AMPH: variants seen among roughly 807,000 people sequenced by gnomAD.
AMPH encodes amphiphysin (Stiff-Mann syndrome with breast cancer 128kD autoantigen).
Under a neutral mutation model 99.1 loss-of-function variants are expected in AMPH, and 49 were observed. The observed-to-expected ratio is 0.49, with a 90% confidence interval of 0.39 to 0.63. The LOEUF (loss-of-function observed/expected upper bound fraction) is 0.63, where lower values mean the gene tolerates loss of function less well. Among genes scored for constraint, AMPH ranks in the 20% least tolerant of loss-of-function variants. The probability of loss-of-function intolerance (pLI) is 0.00; values close to 1 mark genes in which losing one functional copy is unlikely to be tolerated. For missense variants in AMPH, 759 were observed against 863.4 expected (o/e 0.88, Z 1.52); for synonymous variants, 314 against 317.3 (o/e 0.99, Z 0.11).
In AMPH at chr7:38,568,148, C is replaced by T. The variant is rs181194499; in HGVS notation, c.70-33137G>A. Among the ~76,000 whole-genome samples, 513 of 152,234 alleles carry T rather than the reference C, an allele frequency of 3.4e-3. 8 individuals carry two copies. In the South Asian group the frequency reaches 0.038, roughly 11 times the overall value. On this transcript the variant is annotated intron_variant, in intron 1 of 20. Coordinates refer to ENST00000356264, the MANE Select transcript of AMPH (RefSeq NM_001635.4). ...TTTCCTTATTACTGTTGGGGTATTACGTGCAAATTCAAATTAAGCCAATTT... is the reference window on the plus strand; with the variant it reads ...TTTCCTTATTACTGTTGGGGTATTATGTGCAAATTCAAATTAAGCCAATTT...
chr7:38,427,227 G>A (rs1284099331), intron 14 of AMPH, among the ~76,000 whole-genome samples: 1 of 151,918 alleles, frequency 6.6e-6, no homozygotes, highest in Non-Finnish European at 1.5e-5. Context: ...TTATTGCTTG[G>A]TGCCAACCAA....
intron 1 of AMPH, among the ~76,000 whole-genome samples, chr7:38,590,989 G>A (rs1792835323): frequency 6.6e-6 from 1 of 152,160 alleles, no homozygotes; most frequent in South Asian, 2.1e-4. Flanking sequence ...AATATTGTAA[G>A]TTGACATTCA....
chr7:38,587,074 T>G (rs1319505186), intron 1 of AMPH, among the ~76,000 whole-genome samples: 1 of 152,118 alleles, frequency 6.6e-6, no homozygotes, highest in Non-Finnish European at 1.5e-5. Flanking sequence ...TCTAGTGTGC[T>G]AATGAATAAA....
At chr7:38,438,698 C>G (rs1001897876) in intron 11 of AMPH, among the ~76,000 whole-genome samples, 1 of 152,110 alleles carries the variant, frequency 6.6e-6, no homozygotes, top group African/African-American at 2.4e-5. Context: ...TGTGGTTATA[C>G]CCCAATTTTA....
chr7:38,525,576 A>G (rs1376348242), intron 2 of AMPH, among the ~76,000 whole-genome samples: 1 of 151,708 alleles, frequency 6.6e-6, no homozygotes, highest in African/African-American at 2.4e-5. Flanking sequence ...AATCCCTTGT[A>G]TTGACTTTTT....
chr7:38,441,806 A>ATGATAGATATCATATATC lies in AMPH; in HGVS notation c.1018-5419_1018-5418insGATATATGATATCTATCA, dbSNP rs1267958196. Among the ~76,000 whole-genome samples, 532 of 87,324 alleles carry ATGATAGATATCATATATC rather than the reference A, an allele frequency of 6.1e-3. 28 individuals carry two copies. The highest frequency in any genetic ancestry group is 0.022 in the African/African-American group (503 of 23,136). 57.3% of individuals were successfully genotyped at this position (87,324 alleles called of 152,430 possible). On this transcript the variant is annotated intron_variant, in intron 11 of 20. Coordinates refer to ENST00000356264, the MANE Select transcript of AMPH (RefSeq NM_001635.4). ...TATATCTGTCATATATATCATATAT[A>ATGATAGATATCATATATC]TATCATATATATCATATATCATATA... is the stretch of plus-strand genomic sequence containing the variant.
At chr7:38,582,126 C>T (rs1053716825) in intron 1 of AMPH, among the ~76,000 whole-genome samples, 1 of 152,070 alleles carries the variant, frequency 6.6e-6, no homozygotes, top group Admixed American at 6.6e-5. Flanking sequence ...AAGCCTGAGC[C>T]ATGGGAAACT....
chr7:38,484,021 A>C (rs1329522800), intron 5 of AMPH, among the ~76,000 whole-genome samples: 3 of 152,094 alleles, frequency 2.0e-5, no homozygotes, highest in African/African-American at 7.2e-5. Flanking sequence ...TCAAGCAGAA[A>C]AAAGGATCAA....
intron 1 of AMPH, among the ~76,000 whole-genome samples, chr7:38,548,197 T>C (rs957953579): frequency 1.3e-5 from 2 of 151,812 alleles, no homozygotes; most frequent in African/African-American, 4.8e-5. Flanking sequence ...CCCGGCTAAT[T>C]TTTTTGTATT....
At position 38,461,825 on chromosome 7, in the gene AMPH, A is replaced by G. The variant is rs76310773; in HGVS notation, c.889-414T>C. ...TGAATTGGTGAGACCTACTATAGGC[A>G]GCTTACATTTCACTTTCCATTCAAG... On this transcript the variant is annotated intron_variant, in intron 10 of 20. Transcript: ENST00000356264. 5.5e-4 allele frequency among the ~76,000 whole-genome samples: 84 copies of G among 152,374 alleles called. 1 individual carries two copies. The East Asian group carries it at 0.016, about 29-fold the overall frequency.
intron 2 of AMPH, among the ~76,000 whole-genome samples, chr7:38,509,016 A>G (rs959556467): frequency 2.0e-5 from 3 of 152,174 alleles, no homozygotes; most frequent in Non-Finnish European, 4.4e-5. Context: ...AGCTCTCCCT[A>G]TGAAAAGTTC....
intron 11 of AMPH, among the ~76,000 whole-genome samples, chr7:38,454,977 C>T (rs1787173806): frequency 6.6e-6 from 1 of 151,852 alleles, no homozygotes; most frequent in African/African-American, 2.4e-5. Flanking sequence ...TTTTATAGTG[C>T]AAAATTGATA....
chr7:38,421,098 G>T (rs528697448), intron 16 of AMPH: 3 of 456,464 alleles, frequency 6.6e-6, no homozygotes, highest in Non-Finnish European at 1.3e-5. Flanking sequence ...GAAAGAAGGG[G>T]CAAGATGTCT....
At chr7:38,533,235 T>C (rs1790479188) in intron 2 of AMPH, among the ~76,000 whole-genome samples, 1 of 152,160 alleles carries the variant, frequency 6.6e-6, no homozygotes, top group Non-Finnish European at 1.5e-5. Flanking sequence ...TGGGCCCAAG[T>C]CCAACATTTC....
intron 1 of AMPH, among the ~76,000 whole-genome samples, chr7:38,621,730 G>C (rs1197101273): frequency 6.6e-6 from 1 of 152,124 alleles, no homozygotes; most frequent in African/African-American, 2.4e-5. Flanking sequence ...CAAAATGGTG[G>C]TTTTCTCGTT....
chr7:38,559,960 A>G (rs1791499125), intron 1 of AMPH, among the ~76,000 whole-genome samples: 1 of 152,224 alleles, frequency 6.6e-6, no homozygotes, highest in Admixed American at 6.5e-5. Flanking sequence ...ATGATAAAAC[A>G]AAAGTGGCAT....
intron 14 of AMPH, 51 bp downstream of exon 14, chr7:38,429,790 TA>T: frequency 1.3e-6 from 2 of 1,529,026 alleles, no homozygotes; most frequent in Non-Finnish European, 1.8e-6. Context: ...ACTATGTATG[TA>T]ATGCATATCA....
intron 17 of AMPH, among the ~76,000 whole-genome samples, chr7:38,400,791 A>G (rs1484237230): frequency 6.6e-6 from 1 of 152,222 alleles, no homozygotes; most frequent in Non-Finnish European, 1.5e-5. Context: ...TAGTGTGTCA[A>G]TCACGCAACT....
At chr7:38,464,109 T>G (rs1562772501) in intron 9 of AMPH, 1 of 1,289,726 alleles carries the variant, frequency 7.8e-7, no homozygotes, top group Non-Finnish European at 1.0e-6. Flanking sequence ...TGCAGAGGAA[T>G]GTTGAAAAAA....
Sources: allele counts gnomAD v4.1 joint callset (sites outside exome capture counted in the v4.1 genomes callset), GRCh38; gene constraint gnomAD v4.1.1; transcripts MANE v1.5; gene names NCBI Gene and HGNC (gene_info 2026-07-23, HGNC 2026-07-21).